Variants in GALNT13 observed in about 807,000 individuals in gnomAD.
GALNT13 encodes UDP-GalNAc:polypeptide N-acetylgalactosaminyltransferase 13.
In GALNT13, 28 loss-of-function variants were observed where a neutral mutation model predicts 64.2. The observed-to-expected ratio is 0.44, with a 90% CI of 0.32 to 0.60. The LOEUF (loss-of-function observed/expected upper bound fraction) is 0.60. Among genes scored for constraint, GALNT13 ranks in the 20% least tolerant of loss-of-function variants. The pLI is 0.05. For missense variants in GALNT13, 577 were observed against 669.8 expected (o/e 0.86, Z 1.53); for synonymous variants, 214 against 224.6 (o/e 0.95, Z 0.42).
chr2:153,329,136 G>A, the GALNT13 span, among the ~76,000 whole-genome samples: 2 of 151,920 alleles, frequency 1.3e-5, no homozygotes, highest in African/African-American at 4.8e-5. Flanking sequence ...GGCTGCACCC[G>A]CTTTCTAACC....
the GALNT13 span, among the ~76,000 whole-genome samples, chr2:153,491,870 G>A: frequency 6.6e-6 from 1 of 151,904 alleles, no homozygotes; most frequent in East Asian, 1.9e-4. Flanking sequence ...TGCCTGCCTC[G>A]GCCTCCCAAA....
At chr2:153,477,070 G>A in the GALNT13 span, among the ~76,000 whole-genome samples, 2 of 152,268 alleles carry the variant, frequency 1.3e-5, no homozygotes, top group East Asian at 3.9e-4. Context: ...GCCTACCTGA[G>A]AGCTGAGACT....
At chr2:154,413,544 T>C (rs1699881804) in intron 11 of GALNT13, among the ~76,000 whole-genome samples, 1 of 152,000 alleles carries the variant, frequency 6.6e-6, no homozygotes, top group Admixed American at 6.6e-5. Context: ...CTCATAATTG[T>C]ATCCCCATCT....
chr2:154,123,291 T>C (rs1682062613), intron 3 of GALNT13, among the ~76,000 whole-genome samples: 1 of 151,988 alleles, frequency 6.6e-6, no homozygotes, highest in Non-Finnish European at 1.5e-5. Flanking sequence ...ATTTTTTTGT[T>C]CATGTGGACA....
the GALNT13 span, among the ~76,000 whole-genome samples, chr2:153,792,870 G>A: frequency 0.18 from 27,536 of 151,898 alleles, 3,611 homozygotes; most frequent in African/African-American, 0.37. Flanking sequence ...AAGAATTGGG[G>A]TATTTACAAA....
At chr2:154,098,195 A>G (rs1410848685) in intron 3 of GALNT13, among the ~76,000 whole-genome samples, 1 of 150,236 alleles carries the variant, frequency 6.7e-6, no homozygotes, top group Non-Finnish European at 1.5e-5. Flanking sequence ...TGCCATTACC[A>G]TATGATGATG....
the GALNT13 span, among the ~76,000 whole-genome samples, chr2:153,312,528 A>G: frequency 1.3e-5 from 2 of 152,176 alleles, no homozygotes; most frequent in African/African-American, 4.8e-5. Flanking sequence ...TAGTTCCACA[A>G]TATCATCAGG....
At chr2:153,977,125 T>A (rs972488319) in intron 3 of GALNT13, among the ~76,000 whole-genome samples, 13 of 152,152 alleles carry the variant, frequency 8.5e-5, no homozygotes, top group Non-Finnish European at 2.9e-5. Context: ...AAGCTGTCAT[T>A]CAAAATCCTT....
At chr2:154,048,247 C>A (rs947661277) in intron 3 of GALNT13, among the ~76,000 whole-genome samples, 2 of 152,134 alleles carry the variant, frequency 1.3e-5, no homozygotes, top group Non-Finnish European at 2.9e-5. Context: ...ATTGGACCTC[C>A]ATGATCCAGT....
At chr2:153,327,553 C>T in the GALNT13 span, among the ~76,000 whole-genome samples, 2 of 151,712 alleles carry the variant, frequency 1.3e-5, no homozygotes, top group South Asian at 4.2e-4. Context: ...GATCTTCAGT[C>T]TCTGATATCC....
intron 4 of GALNT13, among the ~76,000 whole-genome samples, chr2:154,189,861 T>C (rs904594072): frequency 7.9e-5 from 12 of 152,202 alleles, no homozygotes; most frequent in Admixed American, 3.3e-4. Flanking sequence ...CCTCACCTCA[T>C]AGGAAAAAAA....
At chr2:153,086,444 G>T in the GALNT13 span, among the ~76,000 whole-genome samples, 5 of 151,978 alleles carry the variant, frequency 3.3e-5, no homozygotes, top group African/African-American at 4.8e-5. Flanking sequence ...TAATTGAATC[G>T]GGGGGCTGTT....
At chr2:153,166,487 T>C in the GALNT13 span, among the ~76,000 whole-genome samples, 10 of 152,162 alleles carry the variant, frequency 6.6e-5, no homozygotes, top group African/African-American at 1.2e-4. Flanking sequence ...CAAATCCAGA[T>C]TGGCAAGTAG....
At chr2:153,967,945 T>G (rs1165271671) in intron 3 of GALNT13, among the ~76,000 whole-genome samples, 1 of 152,046 alleles carries the variant, frequency 6.6e-6, no homozygotes, top group Non-Finnish European at 1.5e-5. Context: ...TACTTTGCTG[T>G]GAGTGAGCTG....
At chr2:154,160,901 A>G (rs1474862239) in intron 4 of GALNT13, among the ~76,000 whole-genome samples, 1 of 152,202 alleles carries the variant, frequency 6.6e-6, no homozygotes, top group Non-Finnish European at 1.5e-5. Flanking sequence ...TTACAATATC[A>G]GTACTGCTAT....
rs150751680 is a variant in GALNT13, at chr2:154,198,071, A to G, written c.312-43959A>G. Among the ~76,000 whole-genome samples, 97 of 152,296 alleles carry G rather than the reference A, an allele frequency of 6.4e-4. 1 individual carries two copies. The East Asian group carries it at 0.018, about 28-fold the overall frequency. On this transcript the variant is annotated intron_variant, in intron 4 of 12. Transcript: ENST00000392825. ...CCAGACATAACATTGAAGAAAAAACAGCAGCAGATATATACATGTAAGATA... is the reference window on the plus strand; with the variant it reads ...CCAGACATAACATTGAAGAAAAAACGGCAGCAGATATATACATGTAAGATA...
chr2:154,191,803 C>A (rs983312572), intron 4 of GALNT13, among the ~76,000 whole-genome samples: 12 of 152,148 alleles, frequency 7.9e-5, no homozygotes, highest in African/African-American at 2.7e-4. Context: ...GTTACAGCTC[C>A]TGAGGCCCCA....
chr2:153,433,155 TAAGAA>T, the GALNT13 span, among the ~76,000 whole-genome samples: 4 of 152,140 alleles, frequency 2.6e-5, no homozygotes, highest in African/African-American at 9.7e-5. Flanking sequence ...CTATTTATTC[TAAGAA>T]GAGAGGAAAT....
At chr2:153,448,985 T>C in the GALNT13 span, among the ~76,000 whole-genome samples, 1 of 152,150 alleles carries the variant, frequency 6.6e-6, no homozygotes, top group African/African-American at 2.4e-5. Flanking sequence ...GTGCACTTTC[T>C]GTCTTTCTGT....
Sources: gnomAD v4.1 joint callset for allele counts (sites outside exome capture counted in the v4.1 genomes callset) on GRCh38, gnomAD v4.1.1 for gene constraint, MANE v1.5 for transcripts, NCBI Gene and HGNC (gene_info 2026-07-23, HGNC 2026-07-21) for gene names.